Variants in GRM7 observed in about 807,000 individuals in gnomAD.
GRM7 encodes the protein metabotropic glutamate receptor 7.
A neutral mutation model predicts 84.5 loss-of-function variants in GRM7; 35 were observed. That is an observed-to-expected ratio of 0.41 (90% CI 0.32 to 0.55). The LOEUF (loss-of-function observed/expected upper bound fraction) is 0.55. Ranked by LOEUF, GRM7 falls within the 20% of genes least tolerant of loss-of-function variation. The pLI, the probability that GRM7 is intolerant of heterozygous loss-of-function variation, is 0.19. For synonymous variants in GRM7, 487 were observed against 455.1 expected, an observed-to-expected ratio of 1.07 and a Z score of -0.89; for missense variants, 1,003 against 1,194.6, an observed-to-expected ratio of 0.84 and a Z score of 2.36.
At chr3:7,649,014 C>A (rs1307216879) in intron 8 of GRM7, among the ~76,000 whole-genome samples, 1 of 151,974 alleles carries the variant, frequency 6.6e-6, no homozygotes. Flanking sequence ...GTGTGTCTGC[C>A]AGATAGTACC....
intron 2 of GRM7, among the ~76,000 whole-genome samples, chr3:7,235,294 T>G (rs1175896528): frequency 1.3e-5 from 2 of 152,178 alleles, no homozygotes; most frequent in Admixed American, 1.3e-4. Flanking sequence ...AAATAGCATT[T>G]TTCAGCTCTT....
intron 4 of GRM7, among the ~76,000 whole-genome samples, chr3:7,308,920 A>G (rs2125038298): frequency 6.6e-6 from 1 of 152,334 alleles, no homozygotes; most frequent in South Asian, 2.1e-4. Flanking sequence ...GTAGATATAG[A>G]AATATACAAA....
chr3:7,602,080 C>CAAAAAAAA (rs562646639), intron 8 of GRM7, among the ~76,000 whole-genome samples: 2 of 93,798 alleles, frequency 2.1e-5, no homozygotes, highest in African/African-American at 4.1e-5. Flanking sequence ...ATTACCAGGA[C>CAAAAAAAA]AAAAAAAAAA....
At chr3:7,137,798 C>T (rs959925487) in intron 1 of GRM7, among the ~76,000 whole-genome samples, 4 of 152,042 alleles carry the variant, frequency 2.6e-5, no homozygotes, top group South Asian at 2.1e-4. Flanking sequence ...TTCATTGGAA[C>T]GTCATTAAGA....
chr3:7,672,325 C>T (rs531277040), intron 8 of GRM7, among the ~76,000 whole-genome samples: 2 of 152,274 alleles, frequency 1.3e-5, no homozygotes, highest in East Asian at 3.9e-4. Flanking sequence ...TCTTAACTGC[C>T]AGGAACTTTC....
intron 2 of GRM7, among the ~76,000 whole-genome samples, chr3:7,237,444 C>T (rs1257280734): frequency 1.3e-5 from 2 of 152,074 alleles, no homozygotes; most frequent in African/African-American, 2.4e-5. Flanking sequence ...GAATTGGTTC[C>T]TTCTGGTGGG....
chr3:7,369,816 C>A, intron 4 of GRM7, among the ~76,000 whole-genome samples: 1 of 152,220 alleles, frequency 6.6e-6, no homozygotes, highest in East Asian at 1.9e-4. Flanking sequence ...GCATGAAATC[C>A]CAGAATCCAT....
chr3:7,528,927 G>A (rs572508622), intron 7 of GRM7, among the ~76,000 whole-genome samples: 3 of 152,002 alleles, frequency 2.0e-5, no homozygotes, highest in Non-Finnish European at 4.4e-5. Flanking sequence ...CTTGCTTAAT[G>A]ACATTGCACA....
At chr3:7,090,431 G>C (rs1009635917) in intron 1 of GRM7, among the ~76,000 whole-genome samples, 1 of 152,088 alleles carries the variant, frequency 6.6e-6, no homozygotes, top group Non-Finnish European at 1.5e-5. Flanking sequence ...AAAGAAGGAA[G>C]AGTTTCTTGC....
At chr3:6,913,351 C>G (rs1260217059) in intron 1 of GRM7, among the ~76,000 whole-genome samples, 1 of 151,996 alleles carries the variant, frequency 6.6e-6, no homozygotes, top group Non-Finnish European at 1.5e-5. Flanking sequence ...GTATGATGTT[C>G]ATATCTTGCA....
chr3:6,933,875 C>T (rs1437871538), intron 1 of GRM7, among the ~76,000 whole-genome samples: 1 of 151,938 alleles, frequency 6.6e-6, no homozygotes, highest in African/African-American at 2.4e-5. Context: ...TTTAGTTAGC[C>T]AATACAAATG....
intron 8 of GRM7, among the ~76,000 whole-genome samples, chr3:7,622,146 A>T (rs931539377): frequency 5.9e-5 from 9 of 152,106 alleles, no homozygotes; most frequent in Admixed American, 3.9e-4. Context: ...CTGTCCCAAA[A>T]GCTGCAGACC....
intron 1 of GRM7, among the ~76,000 whole-genome samples, chr3:6,920,389 T>C (rs2125030174): frequency 6.6e-6 from 1 of 151,986 alleles, no homozygotes; most frequent in African/African-American, 2.4e-5. Context: ...ACCTCATCTC[T>C]ACAAAAATAC....
intron 8 of GRM7, among the ~76,000 whole-genome samples, chr3:7,673,338 A>T (rs1409934586): frequency 6.6e-6 from 1 of 152,220 alleles, no homozygotes; most frequent in South Asian, 2.1e-4. Context: ...ATTCACCAGA[A>T]TTTCATAAGT....
At chr3:7,700,461 C>A (rs531435157) in intron 9 of GRM7, among the ~76,000 whole-genome samples, 1 of 152,264 alleles carries the variant, frequency 6.6e-6, no homozygotes, top group Middle Eastern at 3.4e-3. Context: ...CAGTCTAGAT[C>A]GGTCATTCTG....
At chr3:7,705,554 C>G (rs1469760472) in intron 9 of GRM7, among the ~76,000 whole-genome samples, 1 of 152,132 alleles carries the variant, frequency 6.6e-6, no homozygotes, top group African/African-American at 2.4e-5. Flanking sequence ...AACAAAGCTA[C>G]AGAGATCAAA....
intron 2 of GRM7, among the ~76,000 whole-genome samples, chr3:7,268,761 T>C (rs1051242133): frequency 6.6e-5 from 10 of 152,286 alleles, no homozygotes; most frequent in South Asian, 6.2e-4. Context: ...ACTGGCCAAT[T>C]TGGGGATTTG....
chr3:7,414,952 C>T (rs1394278571), intron 4 of GRM7, 71 bp from the exon 5 acceptor site: 1 of 1,291,026 alleles, frequency 7.7e-7, no homozygotes, highest in Non-Finnish European at 1.1e-6. Context: ...AAAAAAGTCA[C>T]TTTTATTTTT....
At chr3:7,343,687 C>T (rs1172815055) in intron 4 of GRM7, among the ~76,000 whole-genome samples, 1 of 152,126 alleles carries the variant, frequency 6.6e-6, no homozygotes, top group African/African-American at 2.4e-5. Context: ...AACTTTGCAA[C>T]ACAATGCTTC....
Sources: gnomAD v4.1 joint callset for allele counts (sites outside exome capture counted in the v4.1 genomes callset) on GRCh38, gnomAD v4.1.1 for gene constraint, MANE v1.5 for transcripts, NCBI Gene and HGNC (gene_info 2026-07-23, HGNC 2026-07-21) for gene names.